Variants in PRR35 observed in about 807,000 individuals in gnomAD.
The protein encoded by PRR35 is proline rich 35.
A neutral mutation model predicts 18.6 loss-of-function variants in PRR35; 14 were observed. That is an observed-to-expected ratio of 0.75 (90% confidence interval 0.50 to 1.18). The LOEUF is 1.18. Among genes scored for constraint, PRR35 ranks in the 50% most tolerant of loss-of-function variants. The pLI is 0.00. For missense variants in PRR35, 832 were observed against 792.2 expected (o/e 1.05, Z -0.60); for synonymous variants, 425 against 378.2 (o/e 1.12, Z -1.43).
chr16:565,144 A>G lies in PRR35; in HGVS notation c.1553A>G (p.Lys518Arg). The change falls in exon 3 of 3, where the codon AAG (lysine) becomes AGG (arginine). Residue 518 changes from lysine (K) to arginine (R), a missense_variant. Transcript: ENST00000409413. ...APQPFSGHTTKCEADSSVPPP... is the reference protein window; with the variant it reads ...APQPFSGHTTRCEADSSVPPP... ...CAACCCTTCTCTGGCCACACCACCA[A>G]GTGTGAGGCCGACTCCAGCGTCCCA... 2 of 1,609,172 alleles carry G rather than the reference A, an allele frequency of 1.2e-6. No homozygotes were observed. Among genetic ancestry groups the G allele is most frequent in the Non-Finnish European group, 1.7e-6 (2 of 1,178,260 alleles).
intron 1 of PRR35, 33 bp downstream of exon 1, chr16:560,694 T>A (rs1211917277): frequency 1.0e-6 from 1 of 980,640 alleles, no homozygotes; most frequent in African/African-American, 1.8e-5. Flanking sequence ...GGGCGGCCAG[T>A]TGGGCGTCGC....
chr16:565,074 G>A lies in PRR35; in HGVS notation c.1483G>A (p.Gly495Arg), dbSNP rs368607798. ...GRPELGPVLT[G>R]GTPEPPGMLG... ...GCCCGAGCTGGGTCCCGTGTTGACCGGGGGCACCCCCGAGCCACCCGGCAT... is the reference window on the plus strand; with the variant it reads ...GCCCGAGCTGGGTCCCGTGTTGACCAGGGGCACCCCCGAGCCACCCGGCAT... Residue 495 changes from glycine to arginine, a missense_variant, in exon 3 of 3, where the codon GGG becomes AGG. By Grantham distance (125) the Gly-to-Arg change is moderately radical. Around this residue, in one of 3 missense-constraint regions of PRR35, gnomAD observed 768 missense variants for 704.1 expected, o/e 1.09. Coordinates refer to ENST00000409413, the MANE Select transcript of PRR35 (RefSeq NM_145270.3). 5.0e-5 allele frequency: 79 copies of A among 1,589,772 alleles called. No homozygotes were observed. The African/African-American group carries it at 7.8e-4, about 16-fold the overall frequency.
intron 1 of PRR35, 116 bp downstream of exon 1, chr16:560,777 C>CT (rs1166150010): frequency 2.4e-6 from 2 of 836,328 alleles, no homozygotes; most frequent in African/African-American, 4.2e-5. Context: ...GCGGCCGGGT[C>CT]CCCCCCACCC....
intron 1 of PRR35, among the ~76,000 whole-genome samples, chr16:562,498 C>T (rs114218071): frequency 2.8e-5 from 4 of 141,510 alleles, no homozygotes; most frequent in African/African-American, 1.1e-4. Flanking sequence ...CACAAGCATG[C>T]ACAGAGGCAC....
chr16:564,800 T>C lies in PRR35; in HGVS notation c.1209T>C (p.His403=), dbSNP rs754035240. 9.0e-6 allele frequency: 14 copies of C among 1,555,744 alleles called. No homozygotes were observed. In the East Asian group the frequency reaches 2.8e-4, roughly 32 times the overall value. The change falls in exon 3 of 3, where the codon CAT becomes CAC. Residue 403 remains histidine (H), a synonymous_variant. Coordinates refer to ENST00000409413, the MANE Select transcript of PRR35 (RefSeq NM_145270.3). ...GCCCAGTGCCAGGAAGCCCGGAGCATGTGGGCGAGGACCTGACCCGAGCCC... is the reference window on the plus strand; with the variant it reads ...GCCCAGTGCCAGGAAGCCCGGAGCACGTGGGCGAGGACCTGACCCGAGCCC... ...PRGPVPGSPE[H]VGEDLTRALG... is the part of the protein sequence containing the mutation.
At chr16:561,774 C>T (rs1341321329) in intron 1 of PRR35, 49 of 985,342 alleles carry the variant, frequency 5.0e-5, no homozygotes, top group Non-Finnish European at 5.8e-5. Context: ...CATGCATGAC[C>T]ACGGGTGCGA....
rs74003985 is a variant in PRR35 at position 562,847 on chromosome 16, G to A, written c.-39-409G>A. ...TATCCTAGAAATTGGCCAGCAAGTC[G>A]GCCTGGCCTCAGGGGTGGGGATGTG... On this transcript the variant is annotated intron_variant, in intron 1 of 2. Transcript: ENST00000409413. Among the ~76,000 whole-genome samples the A allele has an allele frequency of 6.1e-3, 923 of 152,306 alleles. 11 individuals are homozygous for A. Among genetic ancestry groups the A allele is most frequent in the African/African-American group, 0.021 (890 of 41,550 alleles).
chr16:563,496 C>A lies in PRR35; in HGVS notation c.202C>A (p.Leu68Met). ...YSLCKDSLSLLLDSPDWACRR... is the reference protein window; with the variant it reads ...YSLCKDSLSLMLDSPDWACRR... The stretch of plus-strand genomic sequence containing the variant: ...CCTCTGCAAGGACTCCCTGTCCCTG[C>A]TGCTAGACTCCCCAGACTGGGCGTG... Residue 68 changes from leucine to methionine, a missense_variant, in exon 2 of 3, where the codon CTG becomes ATG. Leu to Met is a conservative substitution (Grantham distance 15, BLOSUM62 2). Transcript: ENST00000409413. The A allele has an allele frequency of 6.2e-7, 1 of 1,612,392 alleles. No individual in the cohort carries two copies. Among genetic ancestry groups the A allele is most frequent in the Non-Finnish European group, 8.5e-7 (1 of 1,179,638 alleles).
Position 563,818 on chromosome 16 carries a change from C to T in PRR35, c.524C>T (p.Ala175Val), listed in dbSNP as rs200365746. The change falls in exon 2 of 3, where the codon GCG (alanine) becomes GTG (valine). Residue 175 changes from alanine to valine, a missense_variant. Ala to Val is a moderately conservative substitution (Grantham distance 64). Transcript: ENST00000409413. ...GGAGGGGACCCAAGGGGCGTGGGTGCGGGGGACATGGCCTCAGCAGGCCCT... is the reference window on the plus strand; with the variant it reads ...GGAGGGGACCCAAGGGGCGTGGGTGTGGGGGACATGGCCTCAGCAGGCCCT... Reference protein sequence around the residue: ...GMGGDPRGVGAGDMASAGPEG... With the variant: ...GMGGDPRGVGVGDMASAGPEG... 569 of 1,505,612 alleles carry T rather than the reference C, an allele frequency of 3.8e-4. 3 individuals carry two copies. The African/African-American group carries it at 4.4e-3, about 12-fold the overall frequency. The allele number at this position is 1,505,612 out of a possible 1,614,324, so 93.3% of individuals were successfully genotyped here. A position where few individuals can be genotyped will look rare whatever the true frequency, so the allele number is the denominator to read the frequency against.
intron 1 of PRR35, 78 bp downstream of exon 1, chr16:560,739 G>T: frequency 1.0e-6 from 1 of 952,862 alleles, no homozygotes; most frequent in Non-Finnish European, 1.2e-6. Context: ...GGGGCAGCGG[G>T]TGGCCAGGCG....
intron 1 of PRR35, among the ~76,000 whole-genome samples, chr16:561,328 C>T (rs1023262794): frequency 3.7e-4 from 56 of 152,322 alleles, no homozygotes; most frequent in African/African-American, 1.2e-3. Context: ...TGCTGGGAGG[C>T]GGGATGGGTT....
rs115126945 is a variant in PRR35 at position 565,298 on chromosome 16, C to A, written c.1707C>A (p.Ala569=). The A allele has an allele frequency of 1.2e-3, 1,820 of 1,511,112 alleles. 24 individuals carry two copies. The African/African-American group carries it at 0.023, about 19-fold the overall frequency. 93.6% of individuals were successfully genotyped at this position (1,511,112 alleles called of 1,614,324 possible). ...GTGGCCTGCAGAGCCCCCAGGGCGC[C>A]GAGGTCTGACCTGCAGCGCCTGAGG... ...AVCGLQSPQG[A]EV Residue 569 remains alanine, a synonymous_variant, in exon 3 of 3, where the codon GCC becomes GCA. Coordinates refer to ENST00000409413, the MANE Select transcript of PRR35 (RefSeq NM_145270.3).
intron 1 of PRR35, among the ~76,000 whole-genome samples, chr16:562,990 A>G (rs1478727619): frequency 3.3e-5 from 5 of 151,562 alleles, no homozygotes; most frequent in African/African-American, 1.2e-4. Flanking sequence ...ACACTCAGAA[A>G]TGACGTGCTG....
intron 1 of PRR35, chr16:561,644 C>T: frequency 4.9e-6 from 4 of 821,226 alleles, no homozygotes; most frequent in Non-Finnish European, 5.9e-6. Flanking sequence ...TGCAGGGCCC[C>T]AAGCCTTTGG....
At chr16:561,795 G>T in intron 1 of PRR35, 1 of 985,418 alleles carries the variant, frequency 1.0e-6, no homozygotes, top group Non-Finnish European at 1.2e-6. Context: ...CCCCCAGCCA[G>T]GTCTGCGTGT....
In PRR35 at chr16:565,128, T is replaced by C; in HGVS notation, c.1537T>C (p.Ser513Pro). ...GGGCCCTGCAGCGCCCCAACCCTTC[T>C]CTGGCCACACCACCAAGTGTGAGGC... ...MLGPAAPQPF[S>P]GHTTKCEADS... is the part of the protein sequence containing the mutation. The change falls in exon 3 of 3, where the codon TCT (serine) becomes CCT (proline). Residue 513 changes from serine (S) to proline (P), a missense_variant. By Grantham distance (74) the Ser-to-Pro change is moderately conservative (BLOSUM62 -1). Coordinates refer to ENST00000409413, the MANE Select transcript of PRR35 (RefSeq NM_145270.3). 1.9e-6 allele frequency: 3 copies of C among 1,605,378 alleles called. No homozygotes were observed. The highest frequency in any genetic ancestry group is 2.6e-6 in the Non-Finnish European group (3 of 1,175,892).
At position 563,839 on chromosome 16, in the gene PRR35, G is replaced by A. The variant is rs148849475; in HGVS notation, c.545G>A (p.Gly182Asp). Residue 182 changes from glycine to aspartate, a missense_variant, in exon 2 of 3, where the codon GGC (glycine) becomes GAC (aspartate). Around this residue, in one of 3 missense-constraint regions of PRR35, gnomAD observed 768 missense variants for 704.1 expected, o/e 1.09. Transcript: ENST00000409413. ...GGTGCGGGGGACATGGCCTCAGCAG[G>A]CCCTGAGGGCAGCGTCCCCTGCTAT... ...GVGAGDMASA[G>D]PEGSVPCYPP... 2,235 of 1,520,888 alleles carry A rather than the reference G, an allele frequency of 1.5e-3. 31 individuals are homozygous for A. The African/African-American group carries it at 0.027, about 18-fold the overall frequency. The allele number at this position is 1,520,888 out of a possible 1,614,324, so 94.2% of individuals were successfully genotyped here.
rs368623750 is a variant in PRR35, at chr16:564,459, G to A, written c.1082+83G>A. 4.3e-5 allele frequency: 65 copies of A among 1,521,852 alleles called. No homozygotes were observed. In the East Asian group the frequency reaches 5.0e-4, roughly 12 times the overall value. 94.3% of individuals were successfully genotyped at this position (1,521,852 alleles called of 1,614,324 possible). On this transcript the variant is annotated intron_variant, in intron 2 of 2. Transcript: ENST00000409413. ...TGGCGGTTGGGCGGCTGGGCATGGC[G>A]GCTGGGGTCCGTCCTGAGCTCAGTC...
Position 565,229 on chromosome 16 carries a change from C to A in PRR35, c.1638C>A (p.Gly546=). 6.2e-7 allele frequency: 1 copy of A among 1,608,174 alleles called. No homozygotes were observed. The highest frequency in any genetic ancestry group is 8.5e-7 in the Non-Finnish European group (1 of 1,177,912). ...CTGTCATTCCTGGCAGTGGCTGGGG[C>A]ACCTGTGTTGCGACGAGGAGTTCCC... ...DDPVIPGSGW[G]TCVATRSSQT... Residue 546 remains glycine (G), a synonymous_variant, in exon 3 of 3, where the codon GGC becomes GGA. Coordinates refer to ENST00000409413, the MANE Select transcript of PRR35 (RefSeq NM_145270.3).
Sources: allele counts gnomAD v4.1 joint callset (sites outside exome capture counted in the v4.1 genomes callset), GRCh38; gene constraint gnomAD v4.1.1; regional missense constraint gnomAD v4.1.1; transcripts MANE v1.5; gene names NCBI Gene and HGNC (gene_info 2026-07-23, HGNC 2026-07-21).